The following ADAMTSL3 variants were observed in gnomAD, a reference collection of about 807,000 sequenced individuals.
The protein encoded by ADAMTSL3 is ADAMTS like 3, also known as ADAMTS-like protein 3.
A neutral mutation model predicts 201.7 loss-of-function variants in ADAMTSL3; 128 were observed. The observed-to-expected ratio is 0.63, with a 90% confidence interval of 0.55 to 0.73. ADAMTSL3 has a LOEUF of 0.73. Ranked by LOEUF, ADAMTSL3 falls within the 30% of genes least tolerant of loss-of-function variation. The pLI is 0.00. For missense variants in ADAMTSL3, 1,990 were observed against 2,119.6 expected (o/e 0.94, Z 1.20); for synonymous variants, 738 against 748.4 (o/e 0.99, Z 0.23).
chr15:84,035,754 A>G (rs2068492393), intron 28 of ADAMTSL3, among the ~76,000 whole-genome samples: 1 of 152,248 alleles, frequency 6.6e-6, no homozygotes, highest in Non-Finnish European at 1.5e-5. Flanking sequence ...CATAGAATCC[A>G]AAGGGAGAAC....
intron 15 of ADAMTSL3, among the ~76,000 whole-genome samples, chr15:83,906,615 CCACACACCACACACACACACACACACA>C (rs1354390550): frequency 0.016 from 2,281 of 142,484 alleles, 59 homozygotes; most frequent in African/African-American, 0.044. Context: ...TTATATAGTG[CCACACACCACACACACACACACACACA>C]CACACACACA....
rs1348044435 is a variant in ADAMTSL3, at chr15:83,897,998, A to C, written c.1608A>C (p.Lys536Asn). The C allele has an allele frequency of 6.2e-7, 1 of 1,613,176 alleles. No homozygotes were observed. The highest frequency in any genetic ancestry group is 8.5e-7 in the Non-Finnish European group (1 of 1,179,498). The change falls in exon 14 of 30, where the codon AAA becomes AAC. Residue 536 changes from lysine (K) to asparagine (N), a missense_variant. Physicochemically the swap from Lys to Asn is moderately conservative, Grantham distance 94 (BLOSUM62 0). Transcript: ENST00000286744. ...EECVIPIPCY[K>N]PKEKSPVEAK... is the part of the protein sequence containing the mutation. ...GTGTCATTCCCATCCCGTGTTATAA[A>C]CCAAAAGGTAAGTCTGTGGTGCACT... is the stretch of plus-strand genomic sequence containing the variant.
intron 19 of ADAMTSL3, among the ~76,000 whole-genome samples, chr15:83,964,103 A>G (rs543870194): frequency 6.6e-6 from 1 of 152,282 alleles, no homozygotes; most frequent in African/African-American, 2.4e-5. Context: ...TCCAAAAACC[A>G]GAACACCTCT....
chr15:83,743,763 A>C (rs1379399675), intron 3 of ADAMTSL3, among the ~76,000 whole-genome samples: 1 of 152,176 alleles, frequency 6.6e-6, no homozygotes, highest in African/African-American at 2.4e-5. Context: ...GATTGGATGA[A>C]GATATTTAAA....
At chr15:83,742,314 C>T (rs2062469562) in intron 3 of ADAMTSL3, among the ~76,000 whole-genome samples, 1 of 151,994 alleles carries the variant, frequency 6.6e-6, no homozygotes, top group South Asian at 2.1e-4. Flanking sequence ...TTCAAACAGC[C>T]TTATGTTAAC....
chr15:83,896,941 G>A (rs1459563278), intron 13 of ADAMTSL3, among the ~76,000 whole-genome samples: 1 of 152,094 alleles, frequency 6.6e-6, no homozygotes, highest in African/African-American at 2.4e-5. Flanking sequence ...GCATGAAAGG[G>A]GAAGAGCCCT....
chr15:83,844,097 C>T (rs1341837474), intron 7 of ADAMTSL3, among the ~76,000 whole-genome samples: 2 of 152,166 alleles, frequency 1.3e-5, no homozygotes, highest in African/African-American at 4.8e-5. Context: ...CATCAGGGCA[C>T]ACGTGTGTGA....
intron 3 of ADAMTSL3, among the ~76,000 whole-genome samples, chr15:83,771,330 G>A (rs1486641478): frequency 6.6e-6 from 1 of 151,948 alleles, no homozygotes; most frequent in East Asian, 1.9e-4. Flanking sequence ...AATAAATTTA[G>A]AAGCGTATAG....
At chr15:83,956,788 G>A (rs1457952357) in intron 19 of ADAMTSL3, among the ~76,000 whole-genome samples, 3 of 152,118 alleles carry the variant, frequency 2.0e-5, no homozygotes, top group Non-Finnish European at 4.4e-5. Flanking sequence ...CCCACTTGGT[G>A]CTTGGTAAAC....
At chr15:83,708,481 A>G (rs1394712532) in intron 3 of ADAMTSL3, among the ~76,000 whole-genome samples, 2 of 152,296 alleles carry the variant, frequency 1.3e-5, no homozygotes, top group East Asian at 1.9e-4. Context: ...TAAAAGCCAC[A>G]TTATGGATCA....
At chr15:83,862,889 GACAC>G (rs1246841914) in intron 8 of ADAMTSL3, 1 of 152,108 alleles carries the variant, frequency 6.6e-6, no homozygotes, top group Non-Finnish European at 1.5e-5. Flanking sequence ...CACGTGCAGA[GACAC>G]ACATAGGCTC....
At chr15:83,723,034 A>G (rs1025757802) in intron 3 of ADAMTSL3, among the ~76,000 whole-genome samples, 1 of 152,214 alleles carries the variant, frequency 6.6e-6, no homozygotes, top group African/African-American at 2.4e-5. Context: ...AAAACATTCA[A>G]ATGAGAAGTT....
intron 2 of ADAMTSL3, among the ~76,000 whole-genome samples, chr15:83,698,194 T>C (rs2061713755): frequency 6.6e-6 from 1 of 152,206 alleles, no homozygotes; most frequent in African/African-American, 2.4e-5. Flanking sequence ...TATTATATCA[T>C]AATATCACAA....
chr15:83,838,940 A>C (rs2064325450), intron 7 of ADAMTSL3, among the ~76,000 whole-genome samples: 1 of 152,232 alleles, frequency 6.6e-6, no homozygotes, highest in African/African-American at 2.4e-5. Flanking sequence ...AAAAGCACAC[A>C]CAGACACCTG....
chr15:83,999,213 A>T (rs2067744483), intron 23 of ADAMTSL3, among the ~76,000 whole-genome samples: 1 of 152,190 alleles, frequency 6.6e-6, no homozygotes, highest in Non-Finnish European at 1.5e-5. Context: ...TAATAGCCAC[A>T]CCAGTGTATC....
intron 3 of ADAMTSL3, among the ~76,000 whole-genome samples, chr15:83,706,366 G>C (rs2061851383): frequency 6.6e-6 from 1 of 152,176 alleles, no homozygotes; most frequent in Non-Finnish European, 1.5e-5. Context: ...TGTGTGGCAT[G>C]CTGTGGAAAT....
chr15:84,005,499 G>T (rs1030693267), intron 23 of ADAMTSL3, among the ~76,000 whole-genome samples: 2 of 152,110 alleles, frequency 1.3e-5, no homozygotes, highest in African/African-American at 4.8e-5. Context: ...CTTCTTCAAG[G>T]AACTACTGAA....
At chr15:83,681,337 A>T (rs1393650887) in intron 2 of ADAMTSL3, among the ~76,000 whole-genome samples, 1 of 152,238 alleles carries the variant, frequency 6.6e-6, no homozygotes, top group South Asian at 2.1e-4. Flanking sequence ...AATAGAGGTG[A>T]CACGTCATTT....
intron 20 of ADAMTSL3, among the ~76,000 whole-genome samples, chr15:83,976,938 T>A (rs1000616444): frequency 3.3e-5 from 5 of 151,714 alleles, no homozygotes; most frequent in Non-Finnish European, 5.9e-5. Flanking sequence ...AAGAGGAGAA[T>A]AATTGGGATG....
Sources: gnomAD v4.1 joint callset for allele counts (sites outside exome capture counted in the v4.1 genomes callset) on GRCh38, gnomAD v4.1.1 for gene constraint, MANE v1.5 for transcripts, NCBI Gene and HGNC (gene_info 2026-07-23, HGNC 2026-07-21) for gene names.